Variants in CNTN5 observed in about 807,000 individuals in gnomAD.
The protein encoded by CNTN5 is contactin 5.
CNTN5 carries 77 observed loss-of-function variants against 129.1 expected under a neutral mutation model. The observed-to-expected ratio is 0.60, with a 90% CI of 0.50 to 0.72. The LOEUF is 0.72. CNTN5 is among the 30% of genes least tolerant of loss of function. The pLI, the probability that CNTN5 is intolerant of heterozygous loss-of-function variation, is 0.00. For missense variants in CNTN5, 1,478 were observed against 1,328.8 expected (o/e 1.11, Z -1.75); for synonymous variants, 509 against 465.6 (o/e 1.09, Z -1.20).
intron 21 of CNTN5, among the ~76,000 whole-genome samples, chr11:100,319,213 C>T (rs922976417): frequency 5.4e-5 from 8 of 149,518 alleles, no homozygotes; most frequent in Admixed American, 2.0e-4. Context: ...AGTGCCATGG[C>T]GCAATCTCAG....
chr11:100,193,677 C>A lies in CNTN5; in HGVS notation c.1884+14C>A, dbSNP rs201907630. Reference sequence around the variant, plus strand: ...AGCATCAGGGCCGTAAGTGAATACACTTTTATTCTTTTAGTAATGATAACT... The same window carrying A: ...AGCATCAGGGCCGTAAGTGAATACAATTTTATTCTTTTAGTAATGATAACT... On this transcript the variant is annotated intron_variant, in intron 15 of 24. Transcript: ENST00000524871. The A allele has an allele frequency of 5.0e-6, 8 of 1,600,606 alleles. No individual in the cohort carries two copies. Among genetic ancestry groups the A allele is most frequent in the South Asian group, 1.1e-5 (1 of 88,838 alleles).
intron 6 of CNTN5, among the ~76,000 whole-genome samples, chr11:99,855,648 T>A (rs1308389802): frequency 3.3e-5 from 5 of 152,186 alleles, no homozygotes. Context: ...ATTAGTGAAA[T>A]GAATTTCTCC....
intron 3 of CNTN5, among the ~76,000 whole-genome samples, chr11:99,777,676 C>A (rs557263293): frequency 6.6e-6 from 1 of 151,722 alleles, no homozygotes; most frequent in African/African-American, 2.4e-5. Flanking sequence ...AAATTGAAAG[C>A]TTCAAATTCC....
intron 13 of CNTN5, among the ~76,000 whole-genome samples, chr11:100,090,427 G>T (rs1052264653): frequency 1.5e-3 from 220 of 148,550 alleles, no homozygotes; most frequent in Admixed American, 8.2e-3. Context: ...TTTTCTGCCT[G>T]CCTGCCTTCC....
chr11:99,991,467 AAAACAAAC>A (rs35179064), intron 8 of CNTN5, among the ~76,000 whole-genome samples: 113 of 151,586 alleles, frequency 7.5e-4, no homozygotes, highest in Middle Eastern at 3.4e-3. Flanking sequence ...ACTCTGTCTC[AAAACAAAC>A]AAACAAACAA....
chr11:99,559,838 A>G (rs1450898597), intron 3 of CNTN5, among the ~76,000 whole-genome samples: 1 of 152,220 alleles, frequency 6.6e-6, no homozygotes, highest in Non-Finnish European at 1.5e-5. Flanking sequence ...ATGGAATTCT[A>G]TACAATGGAA....
At chr11:100,113,606 G>GT (rs1157218569) in intron 13 of CNTN5, among the ~76,000 whole-genome samples, 1 of 151,788 alleles carries the variant, frequency 6.6e-6, no homozygotes, top group Non-Finnish European at 1.5e-5. Context: ...ACAATGAAAG[G>GT]TTTTGCCACC....
At chr11:99,763,682 T>C (rs2135292653) in intron 3 of CNTN5, among the ~76,000 whole-genome samples, 1 of 152,186 alleles carries the variant, frequency 6.6e-6, no homozygotes, top group African/African-American at 2.4e-5. Context: ...TTAAGCATAT[T>C]GTATATTAAT....
intron 3 of CNTN5, among the ~76,000 whole-genome samples, chr11:99,569,868 A>T (rs1321096443): frequency 1.3e-5 from 2 of 152,196 alleles, no homozygotes; most frequent in African/African-American, 4.8e-5. Context: ...TTTTAATATA[A>T]GAAATAAGCT....
At chr11:100,086,618 A>G (rs145102786) in intron 13 of CNTN5, among the ~76,000 whole-genome samples, 1,594 of 151,482 alleles carry the variant, frequency 0.011, 32 homozygotes, top group African/African-American at 0.034. Context: ...AAAACCAAAT[A>G]TATCAGAAAT....
At chr11:99,120,043 T>A (rs905758116) in intron 1 of CNTN5, 2 of 152,188 alleles carry the variant, frequency 1.3e-5, no homozygotes, top group Non-Finnish European at 2.9e-5. Context: ...AGATGCATAG[T>A]TTGAAAAAAT....
At chr11:99,482,460 A>C (rs1388193056) in intron 2 of CNTN5, among the ~76,000 whole-genome samples, 1 of 152,192 alleles carries the variant, frequency 6.6e-6, no homozygotes, top group Non-Finnish European at 1.5e-5. Flanking sequence ...TTTAAACTTA[A>C]ATTTCAAAAA....
intron 9 of CNTN5, among the ~76,000 whole-genome samples, chr11:100,039,651 G>A (rs527989892): frequency 7.2e-5 from 11 of 152,192 alleles, no homozygotes; most frequent in African/African-American, 2.6e-4. Flanking sequence ...CATATTTCTT[G>A]GAGGCTTTGT....
chr11:99,873,554 C>CA (rs1948557372), intron 6 of CNTN5, among the ~76,000 whole-genome samples: 1 of 151,974 alleles, frequency 6.6e-6, no homozygotes, highest in Admixed American at 6.6e-5. Context: ...ATTAAGAGGT[C>CA]AACAAACAAC....
At chr11:99,578,254 G>C (rs4754634) in intron 3 of CNTN5, among the ~76,000 whole-genome samples, 138,165 of 151,908 alleles carry the variant, frequency 0.91, 62,995 homozygotes, top group East Asian at 1. Flanking sequence ...TTGGTTCCAA[G>C]TCTTTGCTAT....
At chr11:99,188,136 G>C (rs1273607962) in intron 1 of CNTN5, among the ~76,000 whole-genome samples, 1 of 151,624 alleles carries the variant, frequency 6.6e-6, no homozygotes, top group Admixed American at 6.6e-5. Flanking sequence ...TAGGTGATTA[G>C]TTATATATCA....
intron 7 of CNTN5, among the ~76,000 whole-genome samples, chr11:99,946,418 A>AC (rs1950554384): frequency 6.6e-6 from 1 of 152,162 alleles, no homozygotes; most frequent in South Asian, 2.1e-4. Context: ...TACACAAAAC[A>AC]CATCTGAGTG....
At chr11:99,043,420 A>C (rs975974484) in intron 1 of CNTN5, among the ~76,000 whole-genome samples, 11 of 151,746 alleles carry the variant, frequency 7.2e-5, no homozygotes, top group Non-Finnish European at 1.2e-4. Flanking sequence ...TGTACCCTAA[A>C]ACTTAAAGTA....
intron 1 of CNTN5, among the ~76,000 whole-genome samples, chr11:99,035,157 T>C (rs905200108): frequency 4.0e-5 from 6 of 151,672 alleles, no homozygotes; most frequent in African/African-American, 1.2e-4. Flanking sequence ...ATTTCTGTTC[T>C]TTTACATTTG....
Sources: allele counts gnomAD v4.1 joint callset (sites outside exome capture counted in the v4.1 genomes callset), GRCh38; gene constraint gnomAD v4.1.1; transcripts MANE v1.5; gene names NCBI Gene and HGNC (gene_info 2026-07-23, HGNC 2026-07-21).